The following SEMA3C variants were observed in gnomAD, a reference collection of about 807,000 sequenced individuals.
SEMA3C encodes the protein semaphorin-3C.
Under a neutral mutation model 89.4 loss-of-function variants are expected in SEMA3C, and 47 were observed. The observed-to-expected ratio is 0.53, with a 90% CI of 0.42 to 0.67. SEMA3C has a LOEUF of 0.67. Among genes scored for constraint, SEMA3C ranks in the 30% least tolerant of loss-of-function variants. The probability of loss-of-function intolerance (pLI) is 0.00; values close to 1 mark genes in which losing one functional copy is unlikely to be tolerated. For synonymous variants in SEMA3C, 310 were observed against 320.2 expected (o/e 0.97, Z 0.34); for missense variants, 839 against 929.1 (o/e 0.90, Z 1.26).
chr7:80,853,695 A>G (rs939083675), intron 2 of SEMA3C, among the ~76,000 whole-genome samples: 4 of 152,176 alleles, frequency 2.6e-5, no homozygotes, highest in African/African-American at 9.6e-5. Context: ...AATAAATAGG[A>G]TGGAGTATTC....
intron 13 of SEMA3C, among the ~76,000 whole-genome samples, chr7:80,763,768 G>T (rs1291505320): frequency 2.6e-5 from 4 of 152,072 alleles, no homozygotes; most frequent in East Asian, 1.9e-4. Context: ...TATTATTTTA[G>T]CAAGCCAAGT....
Position 80,913,053 on chromosome 7 carries a change from C to T in SEMA3C, c.103+3626G>A, listed in dbSNP as rs140459273. Among the ~76,000 whole-genome samples, 420 of 152,172 alleles carry T rather than the reference C, an allele frequency of 2.8e-3. 3 individuals carry two copies. The highest frequency in any genetic ancestry group is 9.1e-3 in the African/African-American group (377 of 41,518). ...ATCAAAGACCTGGAGACTTTGGCAG[C>T]TTTATTACTAAAAATTCAGCACACA... is the stretch of plus-strand genomic sequence containing the variant. On this transcript the variant is annotated intron_variant, in intron 2 of 17. Transcript: ENST00000265361.
chr7:80,856,412 C>A (rs1005999974), intron 2 of SEMA3C, among the ~76,000 whole-genome samples: 6 of 151,088 alleles, frequency 4.0e-5, no homozygotes, highest in Admixed American at 1.3e-4. Context: ...AATGATAACC[C>A]GGTAGGAATG....
intron 15 of SEMA3C, among the ~76,000 whole-genome samples, chr7:80,754,957 G>GTTTTTTCTTTGTTTTTTTTTTT (rs1788025506): frequency 1.8e-5 from 2 of 108,368 alleles, no homozygotes; most frequent in Non-Finnish European, 3.7e-5. Flanking sequence ...GTTTTTTTTT[G>GTTTTTTCTTTGTTTTTTTTTTT]TTTTTTTTTT....
At chr7:80,827,329 C>T in intron 4 of SEMA3C, 96 bp downstream of exon 4, 2 of 1,287,276 alleles carry the variant, frequency 1.6e-6, no homozygotes, top group South Asian at 3.6e-5. Context: ...ACACCACCAT[C>T]CTTGTCTCAT....
chr7:80,795,413 A>T (rs1338611284), intron 11 of SEMA3C, among the ~76,000 whole-genome samples: 1 of 152,130 alleles, frequency 6.6e-6, no homozygotes, highest in African/African-American at 2.4e-5. Context: ...CTCTGGTCTC[A>T]ACACCAGATG....
At chr7:80,803,590 T>C (rs1789264063) in intron 8 of SEMA3C, among the ~76,000 whole-genome samples, 1 of 152,210 alleles carries the variant, frequency 6.6e-6, no homozygotes, top group Admixed American at 6.5e-5. Context: ...GTATACTTAT[T>C]GTTTCTACAC....
intron 8 of SEMA3C, among the ~76,000 whole-genome samples, chr7:80,803,553 A>C (rs1444293525): frequency 6.6e-6 from 1 of 152,194 alleles, no homozygotes; most frequent in Non-Finnish European, 1.5e-5. Context: ...TATAGAAAGG[A>C]CATCACAAAT....
rs182522853 is a variant in SEMA3C at position 80,872,639 on chromosome 7, A to G, written c.104-43894T>C. Among the ~76,000 whole-genome samples, 33 of 151,854 alleles carry G rather than the reference A, an allele frequency of 2.2e-4. No homozygotes were observed. The East Asian group carries it at 5.7e-3, about 26-fold the overall frequency. On this transcript the variant is annotated intron_variant, in intron 2 of 17. Transcript: ENST00000265361. Reference sequence around the variant, plus strand: ...CAATATGGTGAAACCCATCTCTACTAAAAATAGAAAAATTAGCTCAGCATG... The same window carrying G: ...CAATATGGTGAAACCCATCTCTACTGAAAATAGAAAAATTAGCTCAGCATG...
At chr7:80,792,332 G>A (rs1211236352) in intron 11 of SEMA3C, among the ~76,000 whole-genome samples, 2 of 152,148 alleles carry the variant, frequency 1.3e-5, no homozygotes, top group Non-Finnish European at 2.9e-5. Flanking sequence ...ATGAAAACAT[G>A]GAAAGAGCAA....
upstream of SEMA3C, among the ~76,000 whole-genome samples, chr7:80,920,556 C>G (rs753082812): frequency 3.9e-5 from 6 of 152,126 alleles, no homozygotes; most frequent in Admixed American, 6.5e-5. Context: ...TAAACATACA[C>G]GTGTCTCAGA....
At chr7:80,821,336 T>C (rs1379339136) in intron 4 of SEMA3C, among the ~76,000 whole-genome samples, 1 of 152,228 alleles carries the variant, frequency 6.6e-6, no homozygotes, top group Admixed American at 6.5e-5. Flanking sequence ...TAAAGCAGAT[T>C]TACAAACACA....
chr7:80,907,910 T>C (rs1792052867), intron 2 of SEMA3C, among the ~76,000 whole-genome samples: 1 of 152,102 alleles, frequency 6.6e-6, no homozygotes, highest in African/African-American at 2.4e-5. Flanking sequence ...GCATGCCTTA[T>C]CATCCTGTTA....
chr7:80,911,758 C>T (rs746869610), intron 2 of SEMA3C, among the ~76,000 whole-genome samples: 4 of 151,814 alleles, frequency 2.6e-5, no homozygotes, highest in South Asian at 2.1e-4. Flanking sequence ...CTCAGCCTCC[C>T]GAGTAGCTAG....
chr7:80,801,211 C>T (rs1309775373), intron 9 of SEMA3C, among the ~76,000 whole-genome samples: 1 of 151,962 alleles, frequency 6.6e-6, no homozygotes, highest in Non-Finnish European at 1.5e-5. Context: ...GTGCTTCTTT[C>T]TAAATATCCT....
chr7:80,813,860 C>T (rs1051301497), intron 5 of SEMA3C, among the ~76,000 whole-genome samples: 11 of 152,090 alleles, frequency 7.2e-5, no homozygotes, highest in Admixed American at 5.2e-4. Context: ...TTTAATTCAG[C>T]GTCTAACGTC....
At chr7:80,860,826 G>A (rs1790754047) in intron 2 of SEMA3C, among the ~76,000 whole-genome samples, 1 of 152,124 alleles carries the variant, frequency 6.6e-6, no homozygotes, top group Non-Finnish European at 1.5e-5. Flanking sequence ...GACAGGTGTG[G>A]GGTTTGAAAA....
At chr7:80,901,936 T>C (rs1337138344) in intron 2 of SEMA3C, among the ~76,000 whole-genome samples, 2 of 152,206 alleles carry the variant, frequency 1.3e-5, no homozygotes, top group Admixed American at 6.5e-5. Flanking sequence ...TGTAAAGTTT[T>C]TCAATTCATG....
intron 12 of SEMA3C, among the ~76,000 whole-genome samples, chr7:80,784,405 G>A (rs1788756723): frequency 1.3e-5 from 2 of 151,834 alleles, no homozygotes; most frequent in African/African-American, 2.4e-5. Context: ...TATCAGGAAT[G>A]GGTGGGAAAA....
Sources: allele counts gnomAD v4.1 joint callset (sites outside exome capture counted in the v4.1 genomes callset), GRCh38; gene constraint gnomAD v4.1.1; transcripts MANE v1.5; gene names NCBI Gene and HGNC (gene_info 2026-07-23, HGNC 2026-07-21).